Variants in GABBR2 observed in about 807,000 individuals in gnomAD.
The protein encoded by GABBR2 is gamma-aminobutyric acid type B receptor subunit 2, also known as G-protein coupled receptor 51.
Under a neutral mutation model 105.6 loss-of-function variants are expected in GABBR2, and 23 were observed. That is an observed-to-expected ratio of 0.22 (90% CI 0.16 to 0.31). The LOEUF is 0.31. Among genes scored for constraint, GABBR2 ranks in the 10% least tolerant of loss-of-function variants. The pLI, the probability that GABBR2 is intolerant of heterozygous loss-of-function variation, is 1.00. For synonymous variants in GABBR2, 478 were observed against 499.7 expected (o/e 0.96, Z 0.58); for missense variants, 734 against 1,245.5 (o/e 0.59, Z 6.18).
intron 1 of GABBR2, among the ~76,000 whole-genome samples, chr9:98,700,137 T>C (rs1490324903): frequency 6.6e-6 from 1 of 152,182 alleles, no homozygotes; most frequent in Non-Finnish European, 1.5e-5. Flanking sequence ...TGATCACCTG[T>C]TGGACAGTGA....
intron 8 of GABBR2, among the ~76,000 whole-genome samples, chr9:98,397,900 C>T (rs954800003): frequency 6.6e-6 from 1 of 152,304 alleles, no homozygotes; most frequent in Non-Finnish European, 1.5e-5. Context: ...GTCTCATCCC[C>T]TGCACTCTGC....
intron 1 of GABBR2, among the ~76,000 whole-genome samples, chr9:98,694,625 T>C (rs1254705673): frequency 6.6e-6 from 1 of 152,228 alleles, no homozygotes; most frequent in Non-Finnish European, 1.5e-5. Flanking sequence ...TATCCAATGG[T>C]CCTGAGAGAA....
chr9:98,697,359 C>T lies in GABBR2; in HGVS notation c.321+11058G>A, dbSNP rs1020871247. On this transcript the variant is annotated intron_variant, in intron 1 of 18. Coordinates refer to ENST00000259455, the MANE Select transcript of GABBR2 (RefSeq NM_005458.8). ...ACAAAAAATTAGCCGGGCGTGGTGG[C>T]GGGCGCCTGTAGTCCCAGCTACTCG... is the stretch of plus-strand genomic sequence containing the variant. 3.3e-5 allele frequency among the ~76,000 whole-genome samples: 5 copies of T among 152,190 alleles called. No individual in the cohort carries two copies. In the East Asian group the frequency reaches 5.8e-4, roughly 18 times the overall value.
intron 13 of GABBR2, among the ~76,000 whole-genome samples, chr9:98,317,096 C>T (rs1431274188): frequency 6.6e-6 from 1 of 152,212 alleles, no homozygotes; most frequent in Admixed American, 6.5e-5. Flanking sequence ...ACAGTGGCTT[C>T]CCCTGAAGCC....
chr9:98,589,279 G>A (rs1239428890), intron 1 of GABBR2, among the ~76,000 whole-genome samples: 5 of 152,168 alleles, frequency 3.3e-5, no homozygotes, highest in African/African-American at 7.2e-5. Flanking sequence ...GGCTCACCCT[G>A]CCCATCTCTC....
intron 13 of GABBR2, among the ~76,000 whole-genome samples, chr9:98,337,182 G>C (rs998757157): frequency 6.6e-6 from 1 of 152,122 alleles, no homozygotes; most frequent in Non-Finnish European, 1.5e-5. Flanking sequence ...GTGGGTGCCT[G>C]TAACCTCAGC....
intron 1 of GABBR2, among the ~76,000 whole-genome samples, chr9:98,583,293 A>C (rs1252512808): frequency 6.6e-6 from 1 of 152,236 alleles, no homozygotes; most frequent in Non-Finnish European, 1.5e-5. Context: ...CGTCCCAAAT[A>C]GATGGACTTT....
chr9:98,464,534 C>T (rs4742730), intron 6 of GABBR2, among the ~76,000 whole-genome samples: 5,822 of 148,656 alleles, frequency 0.039, 375 homozygotes, highest in African/African-American at 0.14. Flanking sequence ...AGGTGGGGGG[C>T]GCCTCTGCCC....
chr9:98,510,003 C>T (rs10760382), intron 3 of GABBR2, among the ~76,000 whole-genome samples: 146,578 of 152,318 alleles, frequency 0.96, 70,583 homozygotes, highest in African/African-American at 0.99. Context: ...GGAAGAAATA[C>T]TAAGAGCAGC....
At chr9:98,584,512 A>G (rs1829043366) in intron 1 of GABBR2, among the ~76,000 whole-genome samples, 1 of 152,204 alleles carries the variant, frequency 6.6e-6, no homozygotes, top group Middle Eastern at 3.2e-3. Flanking sequence ...ATTGGCACAT[A>G]TAGGCTCTTA....
At chr9:98,583,323 T>A (rs1419608483) in intron 1 of GABBR2, among the ~76,000 whole-genome samples, 1 of 152,208 alleles carries the variant, frequency 6.6e-6, no homozygotes, top group Non-Finnish European at 1.5e-5. Context: ...CAAAGGTGAA[T>A]TTTGGGGGCT....
intron 14 of GABBR2, among the ~76,000 whole-genome samples, chr9:98,309,966 G>A (rs1168274728): frequency 1.3e-5 from 2 of 152,332 alleles, no homozygotes; most frequent in East Asian, 1.9e-4. Flanking sequence ...CATTTGAGCA[G>A]CACAAGAGAT....
intron 1 of GABBR2, among the ~76,000 whole-genome samples, chr9:98,654,193 A>C (rs1232315692): frequency 6.6e-6 from 1 of 152,188 alleles, no homozygotes; most frequent in East Asian, 1.9e-4. Context: ...ACCAACAAGC[A>C]ATTGTGGGTG....
At chr9:98,366,875 C>A (rs1222006054) in intron 12 of GABBR2, among the ~76,000 whole-genome samples, 1 of 152,168 alleles carries the variant, frequency 6.6e-6, no homozygotes, top group Non-Finnish European at 1.5e-5. Flanking sequence ...CCATTGTCCT[C>A]AAAAAGCATC....
chr9:98,481,053 G>A, intron 4 of GABBR2, 56 bp from the exon 5 acceptor site: 1 of 1,061,634 alleles, frequency 9.4e-7, no homozygotes, highest in Non-Finnish European at 1.5e-6. Context: ...CCCCATAAAG[G>A]GTTCAAGGCT....
chr9:98,310,324 C>T (rs1830616279), intron 14 of GABBR2, among the ~76,000 whole-genome samples: 1 of 152,104 alleles, frequency 6.6e-6, no homozygotes, highest in Non-Finnish European at 1.5e-5. Flanking sequence ...TCTCGGCCCA[C>T]CGCAACCTCT....
At chr9:98,411,237 T>C (rs1032031737) in intron 7 of GABBR2, among the ~76,000 whole-genome samples, 13 of 152,226 alleles carry the variant, frequency 8.5e-5, no homozygotes, top group African/African-American at 3.1e-4. Flanking sequence ...TCAGGTTTAA[T>C]TGGGAGCCAT....
chr9:98,368,301 TA>T (rs138373969), intron 12 of GABBR2, among the ~76,000 whole-genome samples: 7,360 of 99,730 alleles, frequency 0.074, 193 homozygotes, highest in Non-Finnish European at 0.091. Context: ...TTTTAAAAAG[TA>T]AAAAAAAAAA....
At chr9:98,396,518 T>C (rs1463478683) in intron 8 of GABBR2, among the ~76,000 whole-genome samples, 2 of 152,192 alleles carry the variant, frequency 1.3e-5, no homozygotes, top group East Asian at 3.9e-4. Context: ...ACAAGGGTCC[T>C]CGCCATTTAG....
Sources: gnomAD v4.1 joint callset for allele counts (sites outside exome capture counted in the v4.1 genomes callset) on GRCh38, gnomAD v4.1.1 for gene constraint, MANE v1.5 for transcripts, NCBI Gene and HGNC (gene_info 2026-07-23, HGNC 2026-07-21) for gene names.